Variants in PNPLA7 observed in about 807,000 individuals in gnomAD.
The protein encoded by PNPLA7 is patatin-like phospholipase domain-containing protein 7.
In PNPLA7, 153 loss-of-function variants were observed where a neutral mutation model predicts 161.7. The ratio of observed to expected loss-of-function variants is 0.95; its 90% CI spans 0.83 to 1.08. The LOEUF is 1.08. Ranked by LOEUF, PNPLA7 falls within the 50% of genes least tolerant of loss-of-function variation. PNPLA7 has a pLI of 0.00. For synonymous variants in PNPLA7, 809 were observed against 782.1 expected (o/e 1.03, Z -0.57); for missense variants, 1,739 against 1,856.6 (o/e 0.94, Z 1.16).
chr9:137,462,221 G>A lies in PNPLA7; in HGVS notation c.3603C>T (p.Asp1201=), dbSNP rs745427400. Residue 1201 remains aspartate, a synonymous_variant, in exon 31 of 35, where the codon GAC becomes GAT. Transcript: ENST00000406427. Reference sequence around the variant, plus strand: ...TGCCGAAGTCCAGGGTGCTGTAGCTGTCGATGGGGGGGCGCAGGTACTCGC... The same window carrying A: ...TGCCGAAGTCCAGGGTGCTGTAGCTATCGATGGGGGGGCGCAGGTACTCGC... ...DYCEYLRPPI[D]SYSTLDFGKF... The A allele has an allele frequency of 2.5e-6, 4 of 1,602,696 alleles. No individual in the cohort carries two copies. Among genetic ancestry groups the A allele is most frequent in the Admixed American group, 1.7e-5 (1 of 58,890 alleles).
In PNPLA7 at chr9:137,547,927, G is replaced by A. The variant is rs1415581332; in HGVS notation, c.31-268C>T. 6.6e-6 allele frequency among the ~76,000 whole-genome samples: 1 copy of A among 152,174 alleles called. No individual in the cohort carries two copies. The highest frequency in any genetic ancestry group is 1.5e-5 in the Non-Finnish European group (1 of 68,030). ...GCATCACTAACACACCCACATGCTG[G>A]TGATGCAATCCTTGGGATGCAGGTC... On this transcript the variant is annotated intron_variant, in intron 1 of 34. Transcript: ENST00000406427. The surrounding 1 kb of genome is among the most constrained non-coding windows in gnomAD (Gnocchi z 4.6).
intron 4 of PNPLA7, among the ~76,000 whole-genome samples, chr9:137,545,900 A>T (rs974831935): frequency 6.6e-6 from 1 of 152,018 alleles, no homozygotes; most frequent in African/African-American, 2.4e-5. Context: ...TCAAGGAAAA[A>T]CACCTGCTAC....
rs372099863 is a variant in PNPLA7, at chr9:137,498,105, C to T, written c.1889+9G>A. On this transcript the variant is annotated intron_variant, in intron 17 of 34. Transcript: ENST00000406427. Reference sequence around the variant, plus strand: ...ATGGATGCGGAGTGTGTGGCACCCACGGCCTCACCTGTATATTGCTCGCCC... The same window carrying T: ...ATGGATGCGGAGTGTGTGGCACCCATGGCCTCACCTGTATATTGCTCGCCC... The T allele has an allele frequency of 5.3e-5, 86 of 1,611,980 alleles. No individual in the cohort carries two copies. Among genetic ancestry groups the T allele is most frequent in the African/African-American group, 9.3e-5 (7 of 74,940 alleles).
At chr9:137,465,740 AG>A (rs918949180) in intron 26 of PNPLA7, among the ~76,000 whole-genome samples, 3 of 152,310 alleles carry the variant, frequency 2.0e-5, no homozygotes, top group East Asian at 1.9e-4. Context: ...GCTGCCGCAC[AG>A]GGGGTGACGA....
intron 25 of PNPLA7, among the ~76,000 whole-genome samples, chr9:137,471,968 T>A (rs1184162706): frequency 6.6e-6 from 1 of 152,120 alleles, no homozygotes; most frequent in African/African-American, 2.4e-5. Context: ...ATGCCAAGAC[T>A]GACTGTGAAG....
chr9:137,542,290 G>C (rs908797670), intron 7 of PNPLA7, among the ~76,000 whole-genome samples: 1 of 152,066 alleles, frequency 6.6e-6, no homozygotes, highest in Non-Finnish European at 1.5e-5. Flanking sequence ...ACAACAAACT[G>C]AGACTCCATC....
At chr9:137,531,846 C>A (rs1835596793) in intron 8 of PNPLA7, among the ~76,000 whole-genome samples, 1 of 152,114 alleles carries the variant, frequency 6.6e-6, no homozygotes. Flanking sequence ...GTGAACAGAG[C>A]CGGCAGTGTG....
chr9:137,546,290 G>A (rs1328799840), intron 4 of PNPLA7, among the ~76,000 whole-genome samples: 1 of 151,962 alleles, frequency 6.6e-6, no homozygotes, highest in Non-Finnish European at 1.5e-5. Flanking sequence ...ATTGGAGATG[G>A]CTCACACTCC....
In PNPLA7 at chr9:137,523,783, C is replaced by T. The variant is rs1186143419; in HGVS notation, c.748-926G>A. Among the ~76,000 whole-genome samples the T allele has an allele frequency of 1.3e-5, 2 of 152,160 alleles. No homozygotes were observed. The highest frequency in any genetic ancestry group is 6.5e-5 in the Admixed American group (1 of 15,276). ...CTGGGGCTACAAGCGCCCGCCACCA[C>T]GCCCGGCTAATTTGTTTTTTGAATT... is the stretch of plus-strand genomic sequence containing the variant. On this transcript the variant is annotated intron_variant, in intron 8 of 34. Transcript: ENST00000406427. The surrounding 1 kb of genome is among the most constrained non-coding windows in gnomAD (Gnocchi z 4.4).
intron 8 of PNPLA7, among the ~76,000 whole-genome samples, chr9:137,530,861 C>T (rs995993816): frequency 3.9e-5 from 6 of 152,138 alleles, no homozygotes; most frequent in African/African-American, 1.4e-4. Flanking sequence ...CCTTCCTGCA[C>T]GAGGCCACAT....
rs1832113125 is a variant in PNPLA7 at position 137,479,701 on chromosome 9, G to A, written c.2581-463C>T. 8 of 985,438 alleles carry A rather than the reference G, an allele frequency of 8.1e-6. No individual in the cohort carries two copies. The South Asian group carries it at 3.3e-4, about 41-fold the overall frequency. The allele number at this position is 985,438 out of a possible 1,614,324, so 61.0% of individuals were successfully genotyped here. ...GGGAAATGCAAACTGAAGGCAGGAA[G>A]CTGGAGAACACGAACAGGACTGGGT... On this transcript the variant is annotated intron_variant, in intron 23 of 34. Transcript: ENST00000406427.
In PNPLA7 at chr9:137,462,519, G is replaced by C. The variant is rs568562894; in HGVS notation, c.3492+166C>G. On this transcript the variant is annotated intron_variant, in intron 30 of 34. Transcript: ENST00000406427. ...ACAGCCTTCAGGCCCGTCCGGCCTC[G>C]TGCCTTCCTTCGCCCGAGTTGGGCT... The C allele has an allele frequency of 6.4e-5, 88 of 1,383,970 alleles. No individual in the cohort carries two copies. In the African/African-American group the frequency reaches 1.0e-3, roughly 16 times the overall value. 85.7% of individuals were successfully genotyped at this position (1,383,970 alleles called of 1,614,324 possible). A position where few individuals can be genotyped will look rare whatever the true frequency, so the allele number is the denominator to read the frequency against.
rs760926549 is a variant in PNPLA7, at chr9:137,519,942, C to T, written c.1059G>A (p.Pro353=). 4.3e-5 allele frequency: 69 copies of T among 1,612,552 alleles called. No homozygotes were observed. The Middle Eastern group carries it at 6.6e-4, about 15-fold the overall frequency. ...CTGAGTCACAGGACTCCTGGAGCCG[C>T]GGTGGCTTTTTAAGCCGCTCTTCTT... The part of the protein sequence containing the change: ...YGEEERLKKP[P]RLQESCDSDH... The change falls in exon 11 of 35, where the codon CCG becomes CCA. Residue 353 remains proline, a synonymous_variant. Coordinates refer to ENST00000406427, the MANE Select transcript of PNPLA7 (RefSeq NM_001098537.3).
chr9:137,546,732 A>T, intron 4 of PNPLA7, 98 bp downstream of exon 4: 1 of 1,120,226 alleles, frequency 8.9e-7, no homozygotes, highest in Non-Finnish European at 1.3e-6. Context: ...CACACCAAGC[A>T]CTGCCCAGCC....
intron 11 of PNPLA7, among the ~76,000 whole-genome samples, chr9:137,517,159 C>T (rs1277379377): frequency 7.5e-6 from 1 of 133,878 alleles, no homozygotes; most frequent in Non-Finnish European, 1.6e-5. Context: ...CTCCACTCTG[C>T]TCACTCCATC....
At chr9:137,466,024 G>A (rs1190844308) in intron 26 of PNPLA7, among the ~76,000 whole-genome samples, 4 of 152,202 alleles carry the variant, frequency 2.6e-5, no homozygotes, top group East Asian at 1.9e-4. Context: ...CATCTCCCCC[G>A]TGACACTGAG....
rs1019401046 is a variant in PNPLA7, at chr9:137,505,144, T to C, written c.1473+470A>G. 6.7e-5 allele frequency among the ~76,000 whole-genome samples: 8 copies of C among 119,452 alleles called. No individual in the cohort carries two copies. In the South Asian group the frequency reaches 1.8e-3, roughly 27 times the overall value. 78.4% of individuals were successfully genotyped at this position (119,452 alleles called of 152,430 possible). On this transcript the variant is annotated intron_variant, in intron 14 of 34. Coordinates refer to ENST00000406427, the MANE Select transcript of PNPLA7 (RefSeq NM_001098537.3). ...TGGAGGTTGCAGTGAGCCGAGATCA[T>C]ATCACTGCACTCCAGCCTGGGCGAT...
At position 137,541,487 on chromosome 9, in the gene PNPLA7, G is replaced by A. The variant is rs756091443; in HGVS notation, c.667-765C>T. 2.5e-4 allele frequency: 250 copies of A among 985,360 alleles called. No homozygotes were observed. Among genetic ancestry groups the A allele is most frequent in the Non-Finnish European group, 2.9e-4 (238 of 829,944 alleles). The allele number at this position is 985,360 out of a possible 1,614,324, so 61.0% of individuals were successfully genotyped here. A position where few individuals can be genotyped will look rare whatever the true frequency, so the allele number is the denominator to read the frequency against. ...CCCGACAGGCAGTGCCGGAGCTGGC[G>A]TGGGATCACAGCCCACTCCCGGGAC... On this transcript the variant is annotated intron_variant, in intron 7 of 34. Coordinates refer to ENST00000406427, the MANE Select transcript of PNPLA7 (RefSeq NM_001098537.3). This position sits in a 1 kb window ranked among gnomAD's most constrained non-coding sequence, Gnocchi z 4.4.
chr9:137,488,158 C>T (rs1314878984), intron 20 of PNPLA7, among the ~76,000 whole-genome samples: 2 of 152,222 alleles, frequency 1.3e-5, no homozygotes, highest in Non-Finnish European at 2.9e-5. Context: ...ATGTCTCGTC[C>T]CGAGCTTCAC....
Sources: allele counts gnomAD v4.1 joint callset (sites outside exome capture counted in the v4.1 genomes callset), GRCh38; gene constraint gnomAD v4.1.1; non-coding constraint Gnocchi (gnomAD v3.1); transcripts MANE v1.5; gene names NCBI Gene and HGNC (gene_info 2026-07-23, HGNC 2026-07-21).